CADM2: variants seen among roughly 807,000 people sequenced by gnomAD.
The protein encoded by CADM2 is cell adhesion molecule 2.
A neutral mutation model predicts 49.8 loss-of-function variants in CADM2; 12 were observed. The observed-to-expected ratio is 0.24, with a 90% CI of 0.15 to 0.39. The LOEUF (loss-of-function observed/expected upper bound fraction) is 0.39, where lower values mean the gene tolerates loss of function less well. Among genes scored for constraint, CADM2 ranks in the 10% least tolerant of loss-of-function variants. The pLI, the probability that CADM2 is intolerant of heterozygous loss-of-function variation, is 1.00. For synonymous variants in CADM2, 214 were observed against 175.4 expected (o/e 1.22, Z -1.74); for missense variants, 378 against 492.3 (o/e 0.77, Z 2.20).
intron 1 of CADM2, among the ~76,000 whole-genome samples, chr3:85,695,276 C>G (rs556541569): frequency 6.6e-6 from 1 of 152,166 alleles, no homozygotes; most frequent in South Asian, 2.1e-4. Flanking sequence ...TTAGTGTACC[C>G]ATCACCCAAA....
chr3:85,343,226 A>C (rs149822653), intron 1 of CADM2, among the ~76,000 whole-genome samples: 4 of 152,320 alleles, frequency 2.6e-5, no homozygotes, highest in African/African-American at 7.2e-5. Flanking sequence ...AAACCTGTAC[A>C]TGATGGTACA....
At chr3:85,856,849 A>G (rs570274543) in intron 3 of CADM2, among the ~76,000 whole-genome samples, 1 of 152,332 alleles carries the variant, frequency 6.6e-6, no homozygotes, top group Non-Finnish European at 1.5e-5. Context: ...AATTAAGTAA[A>G]AAGTTATTTT....
At chr3:85,463,889 T>C (rs1307108696) in intron 1 of CADM2, among the ~76,000 whole-genome samples, 1 of 152,176 alleles carries the variant, frequency 6.6e-6, no homozygotes, top group African/African-American at 2.4e-5. Context: ...ATGCCTACTG[T>C]TCTCTCAAAG....
rs983373020 is a variant in CADM2, at chr3:85,480,262, C to A, written c.62-246260C>A. ...TTACTCCATTATAAATTTAGATTTT[C>A]CATAAGCTCCATAAGTTGTTTGTTT... On this transcript the variant is annotated intron_variant, in intron 1 of 9. Transcript: ENST00000383699. Among the ~76,000 whole-genome samples the A allele has an allele frequency of 6.6e-5, 10 of 151,862 alleles. 1 individual carries two copies. The South Asian group carries it at 2.1e-3, about 31-fold the overall frequency.
At chr3:84,977,198 G>A (rs1281606467) in intron 1 of CADM2, among the ~76,000 whole-genome samples, 4 of 151,926 alleles carry the variant, frequency 2.6e-5, no homozygotes, top group Non-Finnish European at 4.4e-5. Flanking sequence ...AATTGATACA[G>A]ATTTATAGCT....
At chr3:85,323,398 G>A (rs1045648512) in intron 1 of CADM2, among the ~76,000 whole-genome samples, 3 of 152,052 alleles carry the variant, frequency 2.0e-5, no homozygotes, top group Non-Finnish European at 4.4e-5. Context: ...CCTGCAACCT[G>A]TCTGAACACT....
At chr3:85,148,297 G>C (rs2039815573) in intron 1 of CADM2, among the ~76,000 whole-genome samples, 1 of 152,108 alleles carries the variant, frequency 6.6e-6, no homozygotes, top group South Asian at 2.1e-4. Context: ...CAGTAACAGG[G>C]CAACTTCCTC....
intron 1 of CADM2, among the ~76,000 whole-genome samples, chr3:85,701,733 T>A (rs757990703): frequency 6.6e-6 from 1 of 152,180 alleles, no homozygotes; most frequent in Non-Finnish European, 1.5e-5. Flanking sequence ...TGGTAAATTT[T>A]ACCAGGACCC....
intron 2 of CADM2, 24 bp from the exon 3 acceptor site, chr3:85,802,023 A>G (rs748270193): frequency 5.1e-6 from 8 of 1,579,662 alleles, no homozygotes; most frequent in Non-Finnish European, 6.9e-6. Flanking sequence ...CATTTAATCA[A>G]CATTTTCTTT....
intron 1 of CADM2, among the ~76,000 whole-genome samples, chr3:85,177,362 T>C (rs1162978415): frequency 1.3e-5 from 2 of 152,136 alleles, no homozygotes; most frequent in African/African-American, 4.8e-5. Context: ...TTTAAATTTA[T>C]TGAAATATTT....
At chr3:85,270,596 A>G (rs2043217968) in intron 1 of CADM2, among the ~76,000 whole-genome samples, 1 of 151,114 alleles carries the variant, frequency 6.6e-6, no homozygotes, top group South Asian at 2.1e-4. Flanking sequence ...AACAGTTCAA[A>G]TCTGTGAAGC....
At chr3:85,919,782 T>G (rs1718859421) in intron 6 of CADM2, among the ~76,000 whole-genome samples, 1 of 151,916 alleles carries the variant, frequency 6.6e-6, no homozygotes, top group Admixed American at 6.6e-5. Flanking sequence ...TTTTTGTTAC[T>G]TTTCTGGACC....
intron 1 of CADM2, among the ~76,000 whole-genome samples, chr3:85,480,133 T>C (rs1413808174): frequency 6.6e-6 from 1 of 151,886 alleles, no homozygotes. Flanking sequence ...ACTGCAGAGA[T>C]AAATAGGGAG....
intron 3 of CADM2, among the ~76,000 whole-genome samples, chr3:85,881,369 T>A (rs1013856931): frequency 6.6e-6 from 1 of 152,176 alleles, no homozygotes; most frequent in Admixed American, 6.5e-5. Context: ...ATTTCAATAT[T>A]TGATTCATCT....
chr3:84,968,464 A>C (rs188353153), intron 1 of CADM2, among the ~76,000 whole-genome samples: 95 of 152,162 alleles, frequency 6.2e-4, no homozygotes, highest in South Asian at 2.9e-3. Flanking sequence ...GTTCACTGTC[A>C]TGTATTAATG....
chr3:85,153,728 G>C (rs879777893), intron 1 of CADM2, among the ~76,000 whole-genome samples: 1 of 152,078 alleles, frequency 6.6e-6, no homozygotes, highest in Non-Finnish European at 1.5e-5. Flanking sequence ...CTCCCAGCAC[G>C]CAGCTGGAGA....
At chr3:85,228,543 GTTTGTTAGT>G (rs892488615) in intron 1 of CADM2, among the ~76,000 whole-genome samples, 1 of 151,882 alleles carries the variant, frequency 6.6e-6, no homozygotes. Flanking sequence ...ATTCCTTTCT[GTTTGTTAGT>G]TTTCTTTCTA....
intron 1 of CADM2, among the ~76,000 whole-genome samples, chr3:85,500,014 A>G (rs1378841081): frequency 6.6e-6 from 1 of 152,200 alleles, no homozygotes; most frequent in Admixed American, 6.5e-5. Context: ...GTTATGATAG[A>G]AAGACTTGGC....
chr3:85,737,216 AATAAG>A (rs1041412173), intron 2 of CADM2, among the ~76,000 whole-genome samples: 12 of 152,150 alleles, frequency 7.9e-5, no homozygotes, highest in Non-Finnish European at 1.2e-4. Flanking sequence ...TTACTGGAAT[AATAAG>A]ATAAGAAGAT....
Sources: allele counts gnomAD v4.1 joint callset (sites outside exome capture counted in the v4.1 genomes callset), GRCh38; gene constraint gnomAD v4.1.1; transcripts MANE v1.5; gene names NCBI Gene and HGNC (gene_info 2026-07-23, HGNC 2026-07-21).